The following DNAJB6 variants were observed in gnomAD, a reference collection of about 807,000 sequenced individuals.
DNAJB6 encodes dnaJ homolog subfamily B member 6.
DNAJB6 carries 16 observed loss-of-function variants against 42.7 expected under a neutral mutation model. That is an observed-to-expected ratio of 0.37 (90% CI 0.25 to 0.57). DNAJB6 has a LOEUF of 0.57. Among genes scored for constraint, DNAJB6 ranks in the 20% least tolerant of loss-of-function variants. The pLI is 0.74. For synonymous variants in DNAJB6, 170 were observed against 163.5 expected, an observed-to-expected ratio of 1.04 and a Z score of -0.30; for missense variants, 347 against 416.8, an observed-to-expected ratio of 0.83 and a Z score of 1.46.
rs1030692260 is a variant in DNAJB6 at position 157,416,909 on chromosome 7, G to A, written c.*811G>A. 1 of 152,120 alleles carries A rather than the reference G, an allele frequency of 6.6e-6. No individual in the cohort carries two copies. Among genetic ancestry groups the A allele is most frequent in the African/African-American group, 2.4e-5 (1 of 41,394 alleles). The allele number at this position is 152,120 out of a possible 1,614,324, so 9.4% of individuals were successfully genotyped here. On this transcript the variant is annotated 3_prime_UTR_variant, in exon 10 of 10. Transcript: ENST00000262177. Reference sequence around the variant, plus strand: ...AGGTTGAACTCATGTTTCAGTTCGCGAACATTGACTCCTTACGAAAGTCAC... The same window carrying A: ...AGGTTGAACTCATGTTTCAGTTCGCAAACATTGACTCCTTACGAAAGTCAC...
rs191136208 is a variant in DNAJB6, at chr7:157,372,267, T to C, written c.346+4784T>C. On this transcript the variant is annotated intron_variant, in intron 5 of 9. Coordinates refer to ENST00000262177, the MANE Select transcript of DNAJB6 (RefSeq NM_058246.4). The stretch of plus-strand genomic sequence containing the variant: ...GAGAACAGTGAGGCCTTGGATGTGT[T>C]GATATCCAGCAAGGACCTGGCACTG... The C allele has an allele frequency of 1.7e-4, 26 of 153,020 alleles. 1 individual carries two copies. The highest frequency in any genetic ancestry group is 1.6e-3 in the Admixed American group (25 of 15,308). 9.5% of individuals were successfully genotyped at this position (153,020 alleles called of 1,614,324 possible).
At chr7:157,411,470 G>A (rs932219655) in intron 9 of DNAJB6, 8 of 152,706 alleles carry the variant, frequency 5.2e-5, no homozygotes, top group Middle Eastern at 3.4e-3. Flanking sequence ...GGGCGTTGGG[G>A]AGGCTCCCCA....
chr7:157,397,407 G>C (rs998919370), intron 8 of DNAJB6, among the ~76,000 whole-genome samples: 1 of 152,198 alleles, frequency 6.6e-6, no homozygotes, highest in African/African-American at 2.4e-5. Flanking sequence ...CCTCTGTGTC[G>C]CTGCGGTGGT....
intron 5 of DNAJB6, among the ~76,000 whole-genome samples, chr7:157,375,622 T>C (rs1232472860): frequency 6.6e-6 from 1 of 152,242 alleles, no homozygotes; most frequent in Non-Finnish European, 1.5e-5. Context: ...TGAAGCCCTG[T>C]TCTCAGGGCG....
intron 8 of DNAJB6, among the ~76,000 whole-genome samples, chr7:157,393,917 A>T (rs533182657): frequency 6.6e-6 from 1 of 152,162 alleles, no homozygotes; most frequent in African/African-American, 2.4e-5. Context: ...TTGCTAATTT[A>T]TGTGTTCACT....
chr7:157,391,005 T>C (rs1801314055), intron 8 of DNAJB6, among the ~76,000 whole-genome samples: 1 of 152,000 alleles, frequency 6.6e-6, no homozygotes, highest in Non-Finnish European at 1.5e-5. Flanking sequence ...TGGCTAACTT[T>C]TTGTATTTTT....
At position 157,384,783 on chromosome 7, in the gene DNAJB6, C is replaced by T. The variant is rs1800969761; in HGVS notation, c.479-84C>T. The T allele has an allele frequency of 3.8e-6, 5 of 1,331,610 alleles. No homozygotes were observed. The South Asian group carries it at 3.8e-5, about 10-fold the overall frequency. The allele number at this position is 1,331,610 out of a possible 1,614,324, so 82.5% of individuals were successfully genotyped here. On this transcript the variant is annotated intron_variant, in intron 6 of 9. Transcript: ENST00000262177. ...GTTCTATGCCTTAACATTAAATATT[C>T]TGCTACTGAACTTTCAAACTCTTGT... is the stretch of plus-strand genomic sequence containing the variant.
chr7:157,377,467 G>T (rs1800528618), intron 5 of DNAJB6, among the ~76,000 whole-genome samples: 1 of 152,198 alleles, frequency 6.6e-6, no homozygotes, highest in Non-Finnish European at 1.5e-5. Context: ...TTGCTTTGCA[G>T]AATCTGCATG....
chr7:157,390,433 A>AT (rs1270354201), intron 8 of DNAJB6, among the ~76,000 whole-genome samples: 2 of 152,154 alleles, frequency 1.3e-5, no homozygotes, highest in African/African-American at 4.8e-5. Flanking sequence ...CTGTCATCCC[A>AT]TTCCCCCGCC....
chr7:157,414,820 C>T (rs1456860756), intron 9 of DNAJB6: 1 of 152,296 alleles, frequency 6.6e-6, no homozygotes, highest in African/African-American at 2.4e-5. Context: ...TGAAAGTCCA[C>T]ATGTGTTTGC....
intron 7 of DNAJB6, 75 bp from the exon 8 acceptor site, chr7:157,385,466 C>CT: frequency 6.6e-7 from 1 of 1,505,570 alleles, no homozygotes; most frequent in African/African-American, 1.4e-5. Context: ...CAGTAATGTC[C>CT]TTAAACAACT....
At chr7:157,412,833 G>T (rs1796015501) in intron 9 of DNAJB6, 1 of 152,298 alleles carries the variant, frequency 6.6e-6, no homozygotes, top group African/African-American at 2.4e-5. Context: ...AGCCAGGTGT[G>T]CAGCCCCCAG....
chr7:157,347,888 C>T (rs543763705), intron 1 of DNAJB6, among the ~76,000 whole-genome samples: 12 of 152,202 alleles, frequency 7.9e-5, no homozygotes, highest in South Asian at 4.2e-4. Flanking sequence ...CTCTGCCTCC[C>T]GGGCTCAAGC....
chr7:157,356,839 T>G (rs2116936704), intron 1 of DNAJB6, among the ~76,000 whole-genome samples: 1 of 152,380 alleles, frequency 6.6e-6, no homozygotes, highest in African/African-American at 2.4e-5. Context: ...CATATTAAAC[T>G]TAACACCTAG....
rs1426182828 is a variant in DNAJB6 at position 157,409,989 on chromosome 7, G to A, written c.886G>A (p.Ala296Thr). 2.6e-6 allele frequency: 4 copies of A among 1,531,230 alleles called. No individual in the cohort carries two copies. The highest frequency in any genetic ancestry group is 3.5e-6 in the Non-Finnish European group (4 of 1,142,024). 94.9% of individuals were successfully genotyped at this position (1,531,230 alleles called of 1,614,324 possible). The change falls in exon 9 of 10, where the codon GCG (alanine) becomes ACG (threonine). Residue 296 changes from alanine to threonine, a missense_variant. Physicochemically the swap from Ala to Thr is moderately conservative, Grantham distance 58. Around this residue, in one of 3 missense-constraint regions of DNAJB6, gnomAD observed 264 missense variants for 288.0 expected, o/e 0.92. Transcript: ENST00000262177. ...PRAPGPWDPL[A>T]SAAGLKEGGK... ...GGCACCCGGGCCCTGGGACCCCCTCGCGTCCGCAGCAGGTGTGCAAAGGGA... is the reference window on the plus strand; with the variant it reads ...GGCACCCGGGCCCTGGGACCCCCTCACGTCCGCAGCAGGTGTGCAAAGGGA...
At chr7:157,358,776 C>T in intron 2 of DNAJB6, 139 bp downstream of exon 2, 1 of 685,730 alleles carries the variant, frequency 1.5e-6, no homozygotes, top group Non-Finnish European at 2.6e-6. Flanking sequence ...TTTAATTTGA[C>T]AGAGCAGTTA....
intron 3 of DNAJB6, among the ~76,000 whole-genome samples, chr7:157,364,318 C>T (rs1393228584): frequency 6.6e-6 from 1 of 152,034 alleles, no homozygotes; most frequent in African/African-American, 2.4e-5. Flanking sequence ...TGGCCCACCC[C>T]CTTTGTTTTA....
chr7:157,399,411 C>T (rs1046358222), intron 8 of DNAJB6, among the ~76,000 whole-genome samples: 2 of 152,216 alleles, frequency 1.3e-5, no homozygotes, highest in African/African-American at 2.4e-5. Flanking sequence ...CCACGTAGAC[C>T]GCAGGGGTTG....
At chr7:157,349,869 C>G (rs1334031691) in intron 1 of DNAJB6, among the ~76,000 whole-genome samples, 2 of 152,138 alleles carry the variant, frequency 1.3e-5, no homozygotes, top group Non-Finnish European at 2.9e-5. Flanking sequence ...TCTCGAACTC[C>G]TGGCCTCAGG....
Sources: gnomAD v4.1 joint callset for allele counts (sites outside exome capture counted in the v4.1 genomes callset) on GRCh38, gnomAD v4.1.1 for gene constraint, gnomAD v4.1.1 regional missense constraint, MANE v1.5 for transcripts, NCBI Gene and HGNC (gene_info 2026-07-23, HGNC 2026-07-21) for gene names.